Variants in LRSAM1 observed in about 807,000 individuals in gnomAD.
The protein encoded by LRSAM1 is E3 ubiquitin-protein ligase LRSAM1.
LRSAM1 carries 96 observed loss-of-function variants against 118.1 expected under a neutral mutation model. The observed-to-expected ratio is 0.81, with a 90% CI of 0.69 to 0.96. LRSAM1 has a LOEUF of 0.96. LRSAM1 is among the 40% of genes least tolerant of loss of function. The pLI, the probability that LRSAM1 is intolerant of heterozygous loss-of-function variation, is 0.00. For synonymous variants in LRSAM1, 322 were observed against 364.2 expected (o/e 0.88, Z 1.32); for missense variants, 804 against 915.5 (o/e 0.88, Z 1.57).
intron 9 of LRSAM1, among the ~76,000 whole-genome samples, chr9:127,466,487 TATATATATATATATA>T (rs1834930804): frequency 7.1e-5 from 1 of 14,038 alleles, no homozygotes; most frequent in African/African-American, 2.6e-4. Flanking sequence ...TATATATATA[TATATATATATATATA>T]TATTTTTTTT....
intron 14 of LRSAM1, among the ~76,000 whole-genome samples, chr9:127,480,279 G>A (rs1835490231): frequency 6.6e-6 from 1 of 152,244 alleles, no homozygotes; most frequent in Non-Finnish European, 1.5e-5. Flanking sequence ...TGACAAGATA[G>A]TTGGGATCAC....
At chr9:127,495,875 G>A in intron 22 of LRSAM1, 89 bp from the exon 23 acceptor site, 1 of 1,543,872 alleles carries the variant, frequency 6.5e-7, no homozygotes. Context: ...TATGTATTAT[G>A]TTATAAATAT....
chr9:127,498,055 A>C (rs888867168), intron 24 of LRSAM1, among the ~76,000 whole-genome samples: 1 of 152,156 alleles, frequency 6.6e-6, no homozygotes, highest in Non-Finnish European at 1.5e-5. Flanking sequence ...GCAGGGGTGA[A>C]GGAGAGGGCA....
rs137924291 is a variant in LRSAM1 at position 127,460,348 on chromosome 9, C to G, written c.322-825C>G. Reference sequence around the variant, plus strand: ...AGTGTGTCATCCTGCTAGCCTTGCTCACCTCGAGGTACCACCTTCTGGAGG... The same window carrying G: ...AGTGTGTCATCCTGCTAGCCTTGCTGACCTCGAGGTACCACCTTCTGGAGG... On this transcript the variant is annotated intron_variant, in intron 7 of 25. Coordinates refer to ENST00000300417, the MANE Select transcript of LRSAM1 (RefSeq NM_001005373.4). Among the ~76,000 whole-genome samples, 28 of 152,326 alleles carry G rather than the reference C, an allele frequency of 1.8e-4. No individual in the cohort carries two copies. In the East Asian group the frequency reaches 5.2e-3, roughly 28 times the overall value.
intron 10 of LRSAM1, among the ~76,000 whole-genome samples, chr9:127,469,412 G>A (rs1835080137): frequency 1.3e-5 from 2 of 151,962 alleles, no homozygotes; most frequent in Non-Finnish European, 2.9e-5. Context: ...AGAGGTTGCA[G>A]TGAGCTGAGA....
chr9:127,453,038 G>C (rs1834381790), intron 2 of LRSAM1, among the ~76,000 whole-genome samples: 1 of 152,200 alleles, frequency 6.6e-6, no homozygotes, highest in African/African-American at 2.4e-5. Flanking sequence ...TGTACAGCCA[G>C]GCCACTGAAC....
intron 10 of LRSAM1, among the ~76,000 whole-genome samples, chr9:127,468,810 CAAAAAAAA>C (rs1185949155): frequency 5.0e-3 from 82 of 16,444 alleles, no homozygotes; most frequent in African/African-American, 0.013. Context: ...CCTGTCTCTA[CAAAAAAAA>C]AAAAAAAAAA....
intron 18 of LRSAM1, among the ~76,000 whole-genome samples, chr9:127,489,233 G>T (rs2245677): frequency 6.6e-6 from 1 of 151,960 alleles, no homozygotes; most frequent in Non-Finnish European, 1.5e-5. Context: ...CTCAGGGTGC[G>T]ATGCCGGAAG....
chr9:127,491,168 T>A, intron 19 of LRSAM1, 47 bp from the exon 20 acceptor site: 1 of 1,501,600 alleles, frequency 6.7e-7, no homozygotes, highest in South Asian at 1.1e-5. Context: ...AAAACTGAAC[T>A]GTGGTTAATG....
chr9:127,467,917 G>A (rs1230567372), intron 10 of LRSAM1, 87 bp downstream of exon 10: 4 of 1,371,262 alleles, frequency 2.9e-6, no homozygotes, highest in Non-Finnish European at 4.0e-6. Flanking sequence ...GGGAACAGCA[G>A]AGACAGAAAT....
In LRSAM1 at chr9:127,465,380, G is replaced by C. The variant is rs1024438652; in HGVS notation, c.529-2360G>C. ...AACCATGGACTCAAACTTTAAATCA[G>C]ATTTATTTTCAGTTACTTAAAATGT... On this transcript the variant is annotated intron_variant, in intron 9 of 25. Coordinates refer to ENST00000300417, the MANE Select transcript of LRSAM1 (RefSeq NM_001005373.4). This position sits in a 1 kb window ranked among gnomAD's most constrained non-coding sequence, Gnocchi z 4.1. 2.6e-5 allele frequency among the ~76,000 whole-genome samples: 4 copies of C among 152,300 alleles called. No individual in the cohort carries two copies. Among genetic ancestry groups the C allele is most frequent in the Non-Finnish European group, 4.4e-5 (3 of 68,034 alleles).
At chr9:127,491,094 GAGCCTCCCC>G (rs1835916332) in intron 19 of LRSAM1, 112 bp from the exon 20 acceptor site, 1 of 828,062 alleles carries the variant, frequency 1.2e-6, no homozygotes, top group Non-Finnish European at 2.1e-6. Flanking sequence ...CCTCATTCCA[GAGCCTCCCC>G]AGCCTCCCCA....
intron 9 of LRSAM1, among the ~76,000 whole-genome samples, chr9:127,464,763 C>T (rs564163339): frequency 1.3e-5 from 2 of 152,044 alleles, no homozygotes; most frequent in South Asian, 2.1e-4. Context: ...CCTCCTCAGC[C>T]TCCCAAGAGA....
intron 10 of LRSAM1, among the ~76,000 whole-genome samples, chr9:127,469,973 A>T (rs1453791010): frequency 2.6e-5 from 4 of 152,056 alleles, no homozygotes; most frequent in Non-Finnish European, 2.9e-5. Context: ...TCAAAAAAAT[A>T]AAATAAAATG....
chr9:127,467,974 C>A (rs1588108559), intron 10 of LRSAM1, 144 bp downstream of exon 10: 2 of 763,046 alleles, frequency 2.6e-6, no homozygotes, highest in South Asian at 1.5e-5. Flanking sequence ...GCAAGGGAAA[C>A]AGGCAAAACA....
rs756006524 is a variant in LRSAM1, at chr9:127,479,363, C to T, written c.781-20C>T. 4 of 1,614,110 alleles carry T rather than the reference C, an allele frequency of 2.5e-6. No individual in the cohort carries two copies. The highest frequency in any genetic ancestry group is 3.4e-6 in the Non-Finnish European group (4 of 1,179,986). On this transcript the variant is annotated intron_variant, in intron 12 of 25. Transcript: ENST00000300417. ...CCCCCAGGGCCTGTGCTGACAGTCA[C>T]CAGGATCTGTGTCTTGCAGGAACAG...
chr9:127,457,234 G>A lies in LRSAM1; in HGVS notation c.175-82G>A, dbSNP rs933740966. ...GCAAGATGGTGGGGCGTGGCACGGC[G>A]CTGGGCTGGCTCCCACGCCCTTAGC... On this transcript the variant is annotated intron_variant, in intron 5 of 25. Transcript: ENST00000300417. The A allele has an allele frequency of 2.6e-5, 39 of 1,511,714 alleles. No homozygotes were observed. In the African/African-American group the frequency reaches 3.3e-4, roughly 13 times the overall value. The allele number at this position is 1,511,714 out of a possible 1,614,324, so 93.6% of individuals were successfully genotyped here.
rs960208113 is a variant in LRSAM1, at chr9:127,494,232, G to C, written c.1600-1088G>C. Among the ~76,000 whole-genome samples the C allele has an allele frequency of 3.9e-5, 6 of 152,246 alleles. No individual in the cohort carries two copies. The South Asian group carries it at 1.2e-3, about 31-fold the overall frequency. On this transcript the variant is annotated intron_variant, in intron 21 of 25. Coordinates refer to ENST00000300417, the MANE Select transcript of LRSAM1 (RefSeq NM_001005373.4). The stretch of plus-strand genomic sequence containing the variant: ...AGGGCCAACGACGGAAGGGAGCAGT[G>C]GGCGTGGCCAGGTCCAGGAGGGGCC...
chr9:127,457,125 T>A (rs1834547246), intron 5 of LRSAM1, among the ~76,000 whole-genome samples, 191 bp from the exon 6 acceptor site: 1 of 152,194 alleles, frequency 6.6e-6, no homozygotes, highest in Non-Finnish European at 1.5e-5. Flanking sequence ...CCCTTGAAGA[T>A]CCAGGTTTTA....
Sources: gnomAD v4.1 joint callset for allele counts (sites outside exome capture counted in the v4.1 genomes callset) on GRCh38, gnomAD v4.1.1 for gene constraint, Gnocchi (gnomAD v3.1) non-coding constraint, MANE v1.5 for transcripts, NCBI Gene and HGNC (gene_info 2026-07-23, HGNC 2026-07-21) for gene names.